Variants in GLIS1 observed in about 807,000 individuals in gnomAD.
The protein encoded by GLIS1 is GLIS family zinc finger 1.
Under a neutral mutation model 63.8 loss-of-function variants are expected in GLIS1, and 24 were observed. That is an observed-to-expected ratio of 0.38 (90% CI 0.27 to 0.53). The LOEUF (loss-of-function observed/expected upper bound fraction) is 0.53. Ranked by LOEUF, GLIS1 falls within the 20% of genes least tolerant of loss-of-function variation. GLIS1 has a pLI of 0.85. For synonymous variants in GLIS1, 450 were observed against 482.5 expected (o/e 0.93, Z 0.88); for missense variants, 1,036 against 1,074.1 (o/e 0.96, Z 0.50).
At chr1:53,699,743 T>C (rs1191561429) in intron 2 of GLIS1, among the ~76,000 whole-genome samples, 1 of 152,174 alleles carries the variant, frequency 6.6e-6, no homozygotes, top group African/African-American at 2.4e-5. Flanking sequence ...GTGAGAGGTC[T>C]CTTCCCAGCT....
chr1:53,706,483 T>C (rs1646580519), intron 2 of GLIS1, among the ~76,000 whole-genome samples: 1 of 152,210 alleles, frequency 6.6e-6, no homozygotes, highest in Non-Finnish European at 1.5e-5. Context: ...TGGGAAGTGG[T>C]GACAAACAGT....
intron 4 of GLIS1, among the ~76,000 whole-genome samples, chr1:53,530,158 C>T (rs993688348): frequency 6.6e-6 from 1 of 152,216 alleles, no homozygotes; most frequent in Non-Finnish European, 1.5e-5. Flanking sequence ...AAAAATAGCA[C>T]CCTGACTTAG....
At chr1:53,643,057 C>T (rs1181899319) in intron 2 of GLIS1, among the ~76,000 whole-genome samples, 2 of 152,148 alleles carry the variant, frequency 1.3e-5, no homozygotes, top group Non-Finnish European at 2.9e-5. Flanking sequence ...TCCTCTGAGT[C>T]CCGTCTTCTC....
At chr1:53,613,376 C>A (rs139269625) in intron 2 of GLIS1, among the ~76,000 whole-genome samples, 349 of 152,192 alleles carry the variant, frequency 2.3e-3, no homozygotes, top group Middle Eastern at 0.02. Flanking sequence ...ATATTTATAG[C>A]CTTAGGATAA....
intron 2 of GLIS1, among the ~76,000 whole-genome samples, chr1:53,629,996 T>G (rs1280820362): frequency 6.6e-6 from 1 of 152,202 alleles, no homozygotes; most frequent in Non-Finnish European, 1.5e-5. Context: ...ATTCCATAAT[T>G]GCATCTCCCA....
At chr1:53,570,458 A>C (rs1644974257) in intron 4 of GLIS1, among the ~76,000 whole-genome samples, 2 of 152,128 alleles carry the variant, frequency 1.3e-5, no homozygotes, top group Admixed American at 1.3e-4. Context: ...AAATACACAT[A>C]TGGAAGAGCA....
intron 4 of GLIS1, among the ~76,000 whole-genome samples, chr1:53,579,061 CA>C (rs55929702): frequency 0.14 from 18,344 of 129,284 alleles, 1,156 homozygotes; most frequent in South Asian, 0.19. Flanking sequence ...ATTTAAAATC[CA>C]AAAAAAAAAA....
intron 4 of GLIS1, among the ~76,000 whole-genome samples, chr1:53,558,700 A>G (rs1644857174): frequency 6.6e-6 from 1 of 152,320 alleles, no homozygotes; most frequent in Non-Finnish European, 1.5e-5. Context: ...GGCCTGGCCC[A>G]GAGGAGCTTT....
intron 4 of GLIS1, among the ~76,000 whole-genome samples, chr1:53,558,184 C>T (rs1393979417): frequency 6.6e-6 from 1 of 152,192 alleles, no homozygotes; most frequent in Non-Finnish European, 1.5e-5. Flanking sequence ...CAACAGCACG[C>T]AGGTGGGGTG....
chr1:53,520,931 G>A (rs1411693921), intron 6 of GLIS1, among the ~76,000 whole-genome samples, 165 bp from the exon 7 acceptor site: 3 of 152,254 alleles, frequency 2.0e-5, no homozygotes, highest in East Asian at 3.8e-4. Flanking sequence ...TGTGTACATC[G>A]TGAAGATGTT....
At chr1:53,517,855 G>C (rs1362181932) in intron 7 of GLIS1, among the ~76,000 whole-genome samples, 1 of 152,170 alleles carries the variant, frequency 6.6e-6, no homozygotes, top group East Asian at 1.9e-4. Flanking sequence ...CACCAAGGAC[G>C]GACACAGGGT....
chr1:53,520,511 G>A, intron 7 of GLIS1, 123 bp downstream of exon 7: 3 of 1,139,522 alleles, frequency 2.6e-6, no homozygotes, highest in Non-Finnish European at 3.5e-6. Context: ...GTCCAGATGA[G>A]TGAGTGCCTG....
chr1:53,641,867 C>G (rs1645791083), intron 2 of GLIS1, among the ~76,000 whole-genome samples: 1 of 152,224 alleles, frequency 6.6e-6, no homozygotes, highest in African/African-American at 2.4e-5. Context: ...CTGGGAACCT[C>G]CACAGCTTGC....
intron 2 of GLIS1, among the ~76,000 whole-genome samples, chr1:53,709,091 C>A (rs1646611649): frequency 6.6e-6 from 1 of 151,882 alleles, no homozygotes; most frequent in African/African-American, 2.4e-5. Context: ...TACAGAAGGG[C>A]TCAACAACTA....
intron 2 of GLIS1, among the ~76,000 whole-genome samples, chr1:53,716,056 G>A (rs981154224): frequency 2.0e-5 from 3 of 152,138 alleles, no homozygotes; most frequent in Non-Finnish European, 4.4e-5. Context: ...GAAGAGGGAG[G>A]GTGGATGCAA....
Position 53,524,841 on chromosome 1 carries a change from T to C in GLIS1, c.1529A>G (p.Asp510Gly). ...QIPGCSKRYTDPSSLRKHVKA... is the reference protein window; with the variant it reads ...QIPGCSKRYTGPSSLRKHVKA... ...GACGTGCTTGCGGAGGGAGCTGGGG[T>C]CTGTGTAGCGCTTGGAGCAGCCAGG... Residue 510 changes from aspartate to glycine, a missense_variant, in exon 6 of 11, where the codon GAC (aspartate) becomes GGC (glycine). Transcript: ENST00000628545. The C allele has an allele frequency of 6.2e-7, 1 of 1,613,398 alleles. No individual in the cohort carries two copies. The highest frequency in any genetic ancestry group is 8.5e-7 in the Non-Finnish European group (1 of 1,179,898).
At chr1:53,694,670 C>T (rs1646445869) in intron 2 of GLIS1, among the ~76,000 whole-genome samples, 1 of 152,292 alleles carries the variant, frequency 6.6e-6, no homozygotes, top group South Asian at 2.1e-4. Flanking sequence ...AGGGCTCGGA[C>T]CTGGGACTTG....
chr1:53,571,932 T>C (rs1178803189), intron 4 of GLIS1, among the ~76,000 whole-genome samples: 1 of 152,124 alleles, frequency 6.6e-6, no homozygotes, highest in Non-Finnish European at 1.5e-5. Flanking sequence ...ACATACAGTA[T>C]GAGACTATTT....
chr1:53,577,609 G>A (rs1213711441), intron 4 of GLIS1, among the ~76,000 whole-genome samples: 2 of 152,224 alleles, frequency 1.3e-5, no homozygotes, highest in Non-Finnish European at 2.9e-5. Context: ...CTGGCCAGTG[G>A]GTTGCCCTGC....
Sources: gnomAD v4.1 joint callset for allele counts (sites outside exome capture counted in the v4.1 genomes callset) on GRCh38, gnomAD v4.1.1 for gene constraint, MANE v1.5 for transcripts, NCBI Gene and HGNC (gene_info 2026-07-23, HGNC 2026-07-21) for gene names.